Variants in DNAJC3 observed in about 807,000 individuals in gnomAD.
DNAJC3 encodes dnaJ homolog subfamily C member 3.
DNAJC3 carries 38 observed loss-of-function variants against 68.6 expected under a neutral mutation model. The ratio of observed to expected loss-of-function variants is 0.55; its 90% confidence interval spans 0.43 to 0.73. The LOEUF (loss-of-function observed/expected upper bound fraction) is 0.73, where lower values mean the gene tolerates loss of function less well. Among genes scored for constraint, DNAJC3 ranks in the 30% least tolerant of loss-of-function variants. DNAJC3 has a pLI of 0.00. For synonymous variants in DNAJC3, 203 were observed against 204.0 expected (o/e 1.00, Z 0.04); for missense variants, 526 against 591.9 (o/e 0.89, Z 1.16).
At chr13:95,716,972 C>CA (rs1314437696) in intron 2 of DNAJC3, among the ~76,000 whole-genome samples, 3 of 152,158 alleles carry the variant, frequency 2.0e-5, no homozygotes, top group Non-Finnish European at 4.4e-5. Context: ...CCTCTCTACC[C>CA]AGCACTTCCC....
chr13:95,691,897 A>T (rs938511057), intron 1 of DNAJC3, among the ~76,000 whole-genome samples: 55 of 152,362 alleles, frequency 3.6e-4, no homozygotes, highest in African/African-American at 1.3e-3. Flanking sequence ...CACCAAAAAA[A>T]TACGAAAACC....
intron 4 of DNAJC3, among the ~76,000 whole-genome samples, chr13:95,755,946 C>T (rs1034126809): frequency 6.6e-6 from 1 of 152,132 alleles, no homozygotes; most frequent in African/African-American, 2.4e-5. Flanking sequence ...CTCACAGAGG[C>T]CTAGATGACC....
rs1883812697 is a variant in DNAJC3 at position 95,792,642 on chromosome 13, A to T, written c.*1612A>T. The stretch of plus-strand genomic sequence containing the variant: ...AGCAGAACACTTAAGTGCTTTCTGC[A>T]TCTATTTAGGAGTCTATTTCTTACC... On this transcript the variant is annotated 3_prime_UTR_variant, in exon 12 of 12. Transcript: ENST00000602402. 1 of 152,222 alleles carries T rather than the reference A, an allele frequency of 6.6e-6. No homozygotes were observed. Among genetic ancestry groups the T allele is most frequent in the Non-Finnish European group, 1.5e-5 (1 of 68,040 alleles). 9.4% of individuals were successfully genotyped at this position (152,222 alleles called of 1,614,324 possible). A position where few individuals can be genotyped will look rare whatever the true frequency, so the allele number is the denominator to read the frequency against.
intron 9 of DNAJC3, among the ~76,000 whole-genome samples, chr13:95,784,539 G>C (rs1883540455): frequency 6.6e-6 from 1 of 152,030 alleles, no homozygotes; most frequent in African/African-American, 2.4e-5. Context: ...AGTTTTTTTG[G>C]GGAACTAGTC....
intron 9 of DNAJC3, among the ~76,000 whole-genome samples, chr13:95,775,399 G>A (rs1333046088): frequency 1.3e-5 from 2 of 152,128 alleles, no homozygotes; most frequent in South Asian, 2.1e-4. Context: ...GACCTCACTA[G>A]TTCCTTTTGT....
intron 2 of DNAJC3, among the ~76,000 whole-genome samples, chr13:95,715,517 C>G (rs1446853864): frequency 6.7e-6 from 1 of 148,532 alleles, no homozygotes; most frequent in East Asian, 2.0e-4. Context: ...GAGTCTCGCT[C>G]TGTCACCAGG....
intron 4 of DNAJC3, among the ~76,000 whole-genome samples, chr13:95,733,606 G>C (rs1421405560): frequency 6.6e-6 from 1 of 151,702 alleles, no homozygotes; most frequent in South Asian, 2.1e-4. Flanking sequence ...TGCCATTTTG[G>C]CCAGGCTGGT....
chr13:95,761,741 A>G (rs963522520), intron 7 of DNAJC3, among the ~76,000 whole-genome samples: 4 of 151,554 alleles, frequency 2.6e-5, no homozygotes, highest in Non-Finnish European at 4.4e-5. Context: ...CATAAATAGA[A>G]TCATACAATG....
At chr13:95,764,798 A>G (rs959563011) in intron 9 of DNAJC3, among the ~76,000 whole-genome samples, 2 of 147,840 alleles carry the variant, frequency 1.4e-5, no homozygotes, top group African/African-American at 5.0e-5. Flanking sequence ...TTCATGTGAC[A>G]CTATGTTATG....
At chr13:95,703,505 G>A (rs1880636242) in intron 1 of DNAJC3, among the ~76,000 whole-genome samples, 1 of 152,168 alleles carries the variant, frequency 6.6e-6, no homozygotes, top group Non-Finnish European at 1.5e-5. Flanking sequence ...AGCCTCAGCT[G>A]GAACATATGC....
At chr13:95,741,566 C>T (rs535099076) in intron 4 of DNAJC3, among the ~76,000 whole-genome samples, 10 of 152,182 alleles carry the variant, frequency 6.6e-5, no homozygotes, top group Non-Finnish European at 1.0e-4. Flanking sequence ...TACTTTGGTA[C>T]GGGAATGGCA....
chr13:95,679,775 ATC>A (rs1483006699), intron 1 of DNAJC3, among the ~76,000 whole-genome samples: 1 of 152,242 alleles, frequency 6.6e-6, no homozygotes, highest in Non-Finnish European at 1.5e-5. Flanking sequence ...ATGTGTGTAT[ATC>A]TCATAATACT....
intron 11 of DNAJC3, 83 bp from the exon 12 acceptor site, chr13:95,790,790 C>A: frequency 1.7e-5 from 23 of 1,338,356 alleles, no homozygotes; most frequent in Middle Eastern, 4.4e-4. Context: ...AGCCCACCCA[C>A]CCTCCTCTGC....
chr13:95,677,268 G>T lies in DNAJC3; in HGVS notation c.13G>T (p.Gly5Cys), dbSNP rs377383785. The change falls in exon 1 of 12, where the codon GGC becomes TGC. Residue 5 changes from glycine to cysteine, a missense_variant. Physicochemically the swap from Gly to Cys is radical, Grantham distance 159. Coordinates refer to ENST00000602402, the MANE Select transcript of DNAJC3 (RefSeq NM_006260.5). ...CGAGCCCTCGGACATGGTGGCCCCC[G>T]GCTCCGTGACCAGCCGGCTGGGCTC... is the stretch of plus-strand genomic sequence containing the variant. Reference protein sequence around the residue: MVAPGSVTSRLGSVF... With the variant: MVAPCSVTSRLGSVF... 2.5e-6 allele frequency: 4 copies of T among 1,602,816 alleles called. No homozygotes were observed. The highest frequency in any genetic ancestry group is 3.4e-6 in the Non-Finnish European group (4 of 1,175,788).
chr13:95,754,356 A>G (rs1882585753), intron 4 of DNAJC3, among the ~76,000 whole-genome samples: 2 of 152,304 alleles, frequency 1.3e-5, no homozygotes, highest in South Asian at 4.1e-4. Flanking sequence ...AGCAAGTGAG[A>G]AGGTGAGAGG....
At chr13:95,682,225 C>T (rs924677026) in intron 1 of DNAJC3, among the ~76,000 whole-genome samples, 9 of 152,196 alleles carry the variant, frequency 5.9e-5, no homozygotes, top group Non-Finnish European at 1.3e-4. Flanking sequence ...TTAGACTCTA[C>T]CCCACCTTGC....
chr13:95,741,784 G>A (rs1227196473), intron 4 of DNAJC3, among the ~76,000 whole-genome samples: 2 of 152,190 alleles, frequency 1.3e-5, no homozygotes, highest in Admixed American at 1.3e-4. Context: ...GGCAAGCTGG[G>A]TGGGCTCACC....
intron 1 of DNAJC3, among the ~76,000 whole-genome samples, chr13:95,688,437 A>G (rs1357141866): frequency 6.6e-6 from 1 of 151,280 alleles, no homozygotes; most frequent in African/African-American, 2.4e-5. Context: ...TATTGTTTTC[A>G]GGTATGCTTC....
At chr13:95,775,082 A>C (rs1314821471) in intron 9 of DNAJC3, among the ~76,000 whole-genome samples, 2 of 151,968 alleles carry the variant, frequency 1.3e-5, no homozygotes, top group African/African-American at 4.8e-5. Context: ...GATTATTTGA[A>C]TATTTCTAGT....
Sources: gnomAD v4.1 joint callset for allele counts (sites outside exome capture counted in the v4.1 genomes callset) on GRCh38, gnomAD v4.1.1 for gene constraint, MANE v1.5 for transcripts, NCBI Gene and HGNC (gene_info 2026-07-23, HGNC 2026-07-21) for gene names.